GRIK2: variants seen among roughly 807,000 people sequenced by gnomAD.
The protein encoded by GRIK2 is glutamate ionotropic receptor kainate type subunit 2, also known as glutamate receptor ionotropic, kainate 2.
In GRIK2, 32 loss-of-function variants were observed where a neutral mutation model predicts 100.3. That is an observed-to-expected ratio of 0.32 (90% CI 0.24 to 0.43). GRIK2 has a LOEUF of 0.43. Among genes scored for constraint, GRIK2 ranks in the 20% least tolerant of loss-of-function variants. The pLI is 1.00. For synonymous variants in GRIK2, 417 were observed against 389.4 expected, an observed-to-expected ratio of 1.07 and a Z score of -0.83; for missense variants, 843 against 1,114.9, an observed-to-expected ratio of 0.76 and a Z score of 3.47.
intron 2 of GRIK2, among the ~76,000 whole-genome samples, chr6:101,587,617 AG>A (rs1194692745): frequency 6.6e-6 from 1 of 152,174 alleles, no homozygotes; most frequent in Non-Finnish European, 1.5e-5. Flanking sequence ...ATTATGTAAA[AG>A]CAAATTTAAG....
chr6:101,467,805 T>C (rs1253849098), intron 2 of GRIK2, among the ~76,000 whole-genome samples: 1 of 152,068 alleles, frequency 6.6e-6, no homozygotes. Flanking sequence ...AATACACATA[T>C]AGAACCTCTA....
At chr6:101,519,514 G>C (rs562015415) in intron 2 of GRIK2, among the ~76,000 whole-genome samples, 1 of 152,160 alleles carries the variant, frequency 6.6e-6, no homozygotes, top group African/African-American at 2.4e-5. Context: ...GTGAAAGTTT[G>C]AGATTGGTAA....
intron 2 of GRIK2, among the ~76,000 whole-genome samples, chr6:101,557,106 G>A (rs1003919623): frequency 6.6e-6 from 1 of 152,012 alleles, no homozygotes; most frequent in Admixed American, 6.6e-5. Flanking sequence ...TGCTTAGAAA[G>A]TTGGCTTTGG....
chr6:101,879,327 A>G (rs2128452494), intron 11 of GRIK2, among the ~76,000 whole-genome samples: 1 of 152,180 alleles, frequency 6.6e-6, no homozygotes, highest in Middle Eastern at 3.4e-3. Flanking sequence ...AAAAAAATAC[A>G]TGCTTCTTTG....
intron 10 of GRIK2, among the ~76,000 whole-genome samples, chr6:101,842,144 A>C (rs1283482681): frequency 6.6e-6 from 1 of 152,198 alleles, no homozygotes; most frequent in African/African-American, 2.4e-5. Context: ...GGTAATCTAA[A>C]ATTAAAACAT....
At chr6:101,402,392 G>A (rs1775362856) in intron 2 of GRIK2, among the ~76,000 whole-genome samples, 1 of 152,140 alleles carries the variant, frequency 6.6e-6, no homozygotes, top group African/African-American at 2.4e-5. Context: ...GAGCGTCTCT[G>A]TCCTGTTTCC....
intron 7 of GRIK2, among the ~76,000 whole-genome samples, chr6:101,738,530 T>C (rs1583050531): frequency 1.3e-5 from 2 of 149,588 alleles, no homozygotes; most frequent in Admixed American, 6.7e-5. Flanking sequence ...TCTTCACAGC[T>C]TTTTTTATCC....
chr6:101,902,065 T>C (rs1242459326), intron 12 of GRIK2, among the ~76,000 whole-genome samples: 1 of 151,996 alleles, frequency 6.6e-6, no homozygotes, highest in Non-Finnish European at 1.5e-5. Flanking sequence ...AGTGATGTGA[T>C]GATAGTTTAA....
chr6:102,035,285 C>G, intron 14 of GRIK2, 56 bp from the exon 15 acceptor site: 1 of 901,956 alleles, frequency 1.1e-6, no homozygotes, highest in Non-Finnish European at 1.8e-6. Flanking sequence ...ATTATAGGAG[C>G]ACATGGAAAC....
intron 12 of GRIK2, among the ~76,000 whole-genome samples, chr6:101,907,602 A>G (rs890565709): frequency 4.6e-5 from 7 of 151,878 alleles, no homozygotes; most frequent in Admixed American, 2.0e-4. Flanking sequence ...TAAAGTTCAA[A>G]GTTTAAGTCT....
At chr6:101,985,315 T>C (rs971641984) in intron 14 of GRIK2, among the ~76,000 whole-genome samples, 1 of 151,824 alleles carries the variant, frequency 6.6e-6, no homozygotes, top group African/African-American at 2.4e-5. Flanking sequence ...TCTTTCTAAC[T>C]AGAACATTTA....
intron 14 of GRIK2, among the ~76,000 whole-genome samples, chr6:101,975,777 A>ATCTGTCTG (rs1185037083): frequency 8.5e-5 from 12 of 141,278 alleles, no homozygotes; most frequent in African/African-American, 3.1e-4. Flanking sequence ...CTATGTGTCT[A>ATCTGTCTG]TCTGTCTGTC....
At chr6:101,996,832 C>T (rs1475499318) in intron 14 of GRIK2, among the ~76,000 whole-genome samples, 1 of 152,060 alleles carries the variant, frequency 6.6e-6, no homozygotes, top group Non-Finnish European at 1.5e-5. Flanking sequence ...AACTTAGTTT[C>T]CTCCACCATT....
chr6:101,838,539 A>G (rs368088078), intron 10 of GRIK2, among the ~76,000 whole-genome samples: 151 of 152,368 alleles, frequency 9.9e-4, no homozygotes, highest in Non-Finnish European at 1.7e-3. Context: ...CTACGTATCA[A>G]TAAGACCACA....
chr6:101,917,965 T>C (rs1789229213), intron 12 of GRIK2, among the ~76,000 whole-genome samples: 1 of 151,630 alleles, frequency 6.6e-6, no homozygotes, highest in African/African-American at 2.4e-5. Flanking sequence ...TTGAAAATGA[T>C]TGTGTCTATT....
At chr6:101,501,899 A>G (rs151246279) in intron 2 of GRIK2, among the ~76,000 whole-genome samples, 3,116 of 152,202 alleles carry the variant, frequency 0.02, 49 homozygotes, top group South Asian at 0.039. Context: ...CTGGGACTAC[A>G]GATGTGTGCC....
intron 14 of GRIK2, among the ~76,000 whole-genome samples, chr6:101,930,897 C>G (rs1790225637): frequency 6.6e-6 from 1 of 152,048 alleles, no homozygotes; most frequent in Non-Finnish European, 1.5e-5. Context: ...ACACAGCTTT[C>G]TATTTCCAAC....
At chr6:101,731,068 A>G (rs1186238013) in intron 7 of GRIK2, among the ~76,000 whole-genome samples, 1 of 152,006 alleles carries the variant, frequency 6.6e-6, no homozygotes, top group Non-Finnish European at 1.5e-5. Flanking sequence ...CAAATTTTCA[A>G]GTACTTCTAT....
intron 15 of GRIK2, among the ~76,000 whole-genome samples, chr6:102,049,906 T>C (rs994145051): frequency 6.6e-6 from 1 of 152,180 alleles, no homozygotes; most frequent in Non-Finnish European, 1.5e-5. Context: ...GATTTCAGTA[T>C]ATATTTTTAA....
Sources: allele counts gnomAD v4.1 joint callset (sites outside exome capture counted in the v4.1 genomes callset), GRCh38; gene constraint gnomAD v4.1.1; transcripts MANE v1.5; gene names NCBI Gene and HGNC (gene_info 2026-07-23, HGNC 2026-07-21).